The following C1orf94 variants were observed in gnomAD, a reference collection of about 807,000 sequenced individuals.
The protein encoded by C1orf94 is uncharacterized protein C1orf94.
In C1orf94, 45 loss-of-function variants were observed where a neutral mutation model predicts 53.6. The observed-to-expected ratio is 0.84, with a 90% confidence interval of 0.66 to 1.08. The LOEUF (loss-of-function observed/expected upper bound fraction) is 1.08. C1orf94 is among the 50% of genes least tolerant of loss of function. The probability of loss-of-function intolerance (pLI) is 0.00; values close to 1 mark genes in which losing one functional copy is unlikely to be tolerated. For synonymous variants in C1orf94, 304 were observed against 296.1 expected, an observed-to-expected ratio of 1.03 and a Z score of -0.27; for missense variants, 762 against 738.9, an observed-to-expected ratio of 1.03 and a Z score of -0.36.
At chr1:34,188,461 C>T (rs1297515983) in intron 1 of C1orf94, among the ~76,000 whole-genome samples, 1 of 152,142 alleles carries the variant, frequency 6.6e-6, no homozygotes, top group Non-Finnish European at 1.5e-5. Context: ...ACGGTGTTGC[C>T]TTCTTTAAGT....
intron 1 of C1orf94, among the ~76,000 whole-genome samples, chr1:34,170,286 C>A (rs570101442): frequency 1.3e-5 from 2 of 152,222 alleles, no homozygotes. Context: ...TCCCATGGCC[C>A]CTGTCCTCAG....
intron 1 of C1orf94, among the ~76,000 whole-genome samples, chr1:34,189,136 T>A (rs921567402): frequency 3.3e-5 from 5 of 150,574 alleles, no homozygotes; most frequent in African/African-American, 1.2e-4. Flanking sequence ...GCAGGATGTG[T>A]GTGTATGGAT....
chr1:34,171,912 A>G (rs541295984), upstream of C1orf94, among the ~76,000 whole-genome samples: 26 of 152,334 alleles, frequency 1.7e-4, no homozygotes, highest in African/African-American at 6.3e-4. Context: ...CGGGTGCTGG[A>G]AAGTAGCAAC....
intron 3 of C1orf94, 44 bp downstream of exon 3, chr1:34,201,076 CA>C (rs1557485840): frequency 6.5e-7 from 1 of 1,548,820 alleles, no homozygotes; most frequent in Admixed American, 2.0e-5. Flanking sequence ...GAGGGGGTTG[CA>C]GTGACCCTCA....
chr1:34,182,079 A>C (rs60609923), intron 1 of C1orf94, among the ~76,000 whole-genome samples: 47,326 of 152,076 alleles, frequency 0.31, 8,243 homozygotes, highest in South Asian at 0.47. Flanking sequence ...CTGTAGTTCT[A>C]GCTACTCGGG....
At chr1:34,209,062 G>C (rs750257610) in intron 5 of C1orf94, among the ~76,000 whole-genome samples, 1 of 152,130 alleles carries the variant, frequency 6.6e-6, no homozygotes, top group African/African-American at 2.4e-5. Context: ...CTAAAAATAT[G>C]TATTAGTTAT....
rs1571349102 is a variant in C1orf94 at position 34,208,105 on chromosome 1, T to C, written c.1447-52T>C. On this transcript the variant is annotated intron_variant, in intron 4 of 6. Coordinates refer to ENST00000488417, the MANE Select transcript of C1orf94 (RefSeq NM_001134734.2). ...GGAACTGAGCTGAGTAGCTGATGCC[T>C]TCTGGCAGGAAACCCCTTGCCTGGC... is the stretch of plus-strand genomic sequence containing the variant. The C allele has an allele frequency of 7.6e-6, 12 of 1,578,062 alleles. No homozygotes were observed. In the East Asian group the frequency reaches 2.5e-4, roughly 33 times the overall value.
intron 5 of C1orf94, among the ~76,000 whole-genome samples, chr1:34,210,712 T>C (rs1642874888): frequency 6.6e-6 from 1 of 151,944 alleles, no homozygotes; most frequent in South Asian, 2.1e-4. Flanking sequence ...TGGAGTGCAG[T>C]GGCACAATCT....
chr1:34,188,784 T>A (rs1642429188), intron 1 of C1orf94, among the ~76,000 whole-genome samples: 1 of 152,186 alleles, frequency 6.6e-6, no homozygotes, highest in Admixed American at 6.5e-5. Context: ...CTTAGTCCCC[T>A]GACTCCTATC....
At chr1:34,192,480 G>A (rs1358377086) in intron 1 of C1orf94, among the ~76,000 whole-genome samples, 1 of 152,184 alleles carries the variant, frequency 6.6e-6, no homozygotes, top group East Asian at 1.9e-4. Context: ...GTCTTGGCAT[G>A]GGTAAAGGCA....
chr1:34,202,331 G>A, intron 4 of C1orf94, 72 bp downstream of exon 4: 1 of 1,520,490 alleles, frequency 6.6e-7, no homozygotes, highest in Non-Finnish European at 9.0e-7. Flanking sequence ...GTGGCTGGCA[G>A]GGGGTCTATT....
At chr1:34,199,374 C>G (rs543093762) in intron 2 of C1orf94, among the ~76,000 whole-genome samples, 1 of 152,162 alleles carries the variant, frequency 6.6e-6, no homozygotes, top group East Asian at 1.9e-4. Context: ...ATTCGGCAAC[C>G]GGAGGAACTC....
In C1orf94 at chr1:34,218,706, G is replaced by T. The variant is rs768638666; in HGVS notation, c.1742G>T (p.Gly581Val). Residue 581 changes from glycine to valine, a missense_variant, in exon 7 of 7, where the codon GGG (glycine) becomes GTG (valine). Coordinates refer to ENST00000488417, the MANE Select transcript of C1orf94 (RefSeq NM_001134734.2). ...TCCAGGTTCGGCTCGACATCCGGAG[G>T]GCCCTTGATGCACAGCCCCTATTTT... The part of the protein sequence containing the change: ...QGYGFGSTSG[G>V]PLMHSPYFSS... 6.2e-7 allele frequency: 1 copy of T among 1,611,866 alleles called. No homozygotes were observed. Among genetic ancestry groups the T allele is most frequent in the Non-Finnish European group, 8.5e-7 (1 of 1,178,612 alleles).
chr1:34,212,120 G>A (rs2148622962), intron 5 of C1orf94, 90 bp from the exon 6 acceptor site: 2 of 1,197,474 alleles, frequency 1.7e-6, no homozygotes, highest in East Asian at 5.1e-5. Context: ...TGACTGAGGA[G>A]CACAGGGGCT....
chr1:34,184,166 C>A (rs868297605), intron 1 of C1orf94, among the ~76,000 whole-genome samples: 37 of 152,084 alleles, frequency 2.4e-4, no homozygotes, highest in Non-Finnish European at 4.9e-4. Flanking sequence ...ATGAAAGATG[C>A]GGGTGTAGTC....
At position 34,177,845 on chromosome 1, in the gene C1orf94, AAGAG is replaced by A; in HGVS notation, c.59_62del (p.Glu20GlyfsTer42). 1 of 1,550,264 alleles carries A rather than the reference AAGAG, an allele frequency of 6.5e-7. No homozygotes were observed. Among genetic ancestry groups the A allele is most frequent in the Non-Finnish European group, 8.7e-7 (1 of 1,145,950 alleles). The stretch of plus-strand genomic sequence containing the variant: ...CTGGGTGGACAGAGGGGCTTCCAGA[AAGAG>A]AGGAGGAGGATGGCCAGCGGGAATG... On this transcript the variant is annotated frameshift_variant, in exon 1 of 7. Coordinates refer to ENST00000488417, the MANE Select transcript of C1orf94 (RefSeq NM_001134734.2). LOFTEE classifies it high-confidence loss of function.
chr1:34,179,752 T>TTTG (rs1642285397), intron 1 of C1orf94, among the ~76,000 whole-genome samples: 1 of 152,104 alleles, frequency 6.6e-6, no homozygotes, highest in Admixed American at 6.5e-5. Context: ...TGTTGTTGTT[T>TTTG]TTGTTGTTGT....
intron 6 of C1orf94, among the ~76,000 whole-genome samples, chr1:34,212,729 A>G (rs966194734): frequency 6.6e-6 from 1 of 152,106 alleles, no homozygotes; most frequent in African/African-American, 2.4e-5. Flanking sequence ...GCCTTTACCC[A>G]TGTGCTTGGT....
intron 4 of C1orf94, 121 bp downstream of exon 4, chr1:34,202,380 A>C: frequency 5.5e-6 from 6 of 1,092,670 alleles, no homozygotes; most frequent in Non-Finnish European, 6.5e-6. Context: ...CCTTCCCTAC[A>C]TGCAAGAGGC....
Sources: allele counts gnomAD v4.1 joint callset (sites outside exome capture counted in the v4.1 genomes callset), GRCh38; gene constraint gnomAD v4.1.1; transcripts MANE v1.5; gene names NCBI Gene and HGNC (gene_info 2026-07-23, HGNC 2026-07-21).